Variants in ITGA8 observed in about 807,000 individuals in gnomAD.
The protein encoded by ITGA8 is integrin alpha-8.
A neutral mutation model predicts 142.3 loss-of-function variants in ITGA8; 91 were observed. That is an observed-to-expected ratio of 0.64 (90% confidence interval 0.54 to 0.76). ITGA8 has a LOEUF of 0.76. ITGA8 is among the 30% of genes least tolerant of loss of function. The pLI is 0.00. For synonymous variants in ITGA8, 505 were observed against 485.2 expected, an observed-to-expected ratio of 1.04 and a Z score of -0.54; for missense variants, 1,406 against 1,327.7, an observed-to-expected ratio of 1.06 and a Z score of -0.92.
At chr10:15,572,478 G>A in intron 24 of ITGA8, 109 bp from the exon 25 acceptor site, 1 of 1,019,618 alleles carries the variant, frequency 9.8e-7, no homozygotes, top group Non-Finnish European at 1.4e-6. Flanking sequence ...TTGGTTTTAA[G>A]TCATCTGGAC....
chr10:15,575,198 G>A (rs1342556512), intron 24 of ITGA8, among the ~76,000 whole-genome samples: 1 of 152,018 alleles, frequency 6.6e-6, no homozygotes, highest in Admixed American at 6.6e-5. Flanking sequence ...AGACTAGCCT[G>A]GGCAACATGG....
chr10:15,698,005 A>G (rs1336847557), intron 2 of ITGA8, among the ~76,000 whole-genome samples: 2 of 152,214 alleles, frequency 1.3e-5, no homozygotes, highest in African/African-American at 2.4e-5. Context: ...TGGTGCACCC[A>G]TCACCCAAGC....
rs1015788447 is a variant in ITGA8 at position 15,516,576 on chromosome 10, C to T, written c.*582G>A. ...GAGACATGGAAAATAAATAAATAAA[C>T]TCTCACCCTCACTCACAAGATTATT... is the stretch of plus-strand genomic sequence containing the variant. On this transcript the variant is annotated 3_prime_UTR_variant, in exon 30 of 30. Coordinates refer to ENST00000378076, the MANE Select transcript of ITGA8 (RefSeq NM_003638.3). The T allele has an allele frequency of 5.3e-5, 8 of 152,220 alleles. No homozygotes were observed. The highest frequency in any genetic ancestry group is 1.7e-4 in the African/African-American group (7 of 41,464). 9.4% of individuals were successfully genotyped at this position (152,220 alleles called of 1,614,324 possible).
At chr10:15,613,250 C>A (rs1833332967) in intron 15 of ITGA8, among the ~76,000 whole-genome samples, 3 of 151,866 alleles carry the variant, frequency 2.0e-5, no homozygotes, top group Admixed American at 2.0e-4. Context: ...TAAGCATATG[C>A]CAAAATGTAA....
chr10:15,597,198 C>G lies in ITGA8; in HGVS notation c.2211+9G>C. On this transcript the variant is annotated intron_variant, in intron 21 of 29. Transcript: ENST00000378076. ...AGGAAATCAGTCAGTATTTCTGGTT[C>G]TCTCTTACATTTGTTCCAGACACCA... is the stretch of plus-strand genomic sequence containing the variant. 6.2e-7 allele frequency: 1 copy of G among 1,603,186 alleles called. No individual in the cohort carries two copies. The highest frequency in any genetic ancestry group is 8.5e-7 in the Non-Finnish European group (1 of 1,169,984).
Position 15,684,982 on chromosome 10 carries a change from G to T in ITGA8, c.445-855C>A, listed in dbSNP as rs143082744. On this transcript the variant is annotated intron_variant, in intron 3 of 29. Coordinates refer to ENST00000378076, the MANE Select transcript of ITGA8 (RefSeq NM_003638.3). ...TTTAAACAATGACTTTCATCTGGAC[G>T]CACTTCTCCATTTTCACAGTGTTTT... Among the ~76,000 whole-genome samples the T allele has an allele frequency of 2.2e-3, 335 of 152,230 alleles. 1 individual carries two copies. Among genetic ancestry groups the T allele is most frequent in the Admixed American group, 9.0e-3 (138 of 15,282 alleles).
chr10:15,692,204 A>T (rs1834948434), intron 2 of ITGA8, among the ~76,000 whole-genome samples: 1 of 152,032 alleles, frequency 6.6e-6, no homozygotes, highest in Non-Finnish European at 1.5e-5. Context: ...AAGTGCTGGG[A>T]TTACAGGTAT....
chr10:15,607,304 C>T (rs572627948), intron 17 of ITGA8, among the ~76,000 whole-genome samples: 1 of 152,240 alleles, frequency 6.6e-6, no homozygotes, highest in South Asian at 2.1e-4. Context: ...CCTGAATTGG[C>T]TCTGAAACAT....
At chr10:15,517,739 C>A (rs1832989831) in intron 29 of ITGA8, among the ~76,000 whole-genome samples, 2 of 152,234 alleles carry the variant, frequency 1.3e-5, no homozygotes, top group Non-Finnish European at 2.9e-5. Flanking sequence ...ATTGCATAGG[C>A]AAGGTGAGCA....
chr10:15,521,291 T>C (rs1833064542), intron 28 of ITGA8, among the ~76,000 whole-genome samples: 1 of 152,180 alleles, frequency 6.6e-6, no homozygotes, highest in Non-Finnish European at 1.5e-5. Context: ...CCCAAAATGC[T>C]GGGATTACAG....
rs376955567 is a variant in ITGA8, at chr10:15,620,732, CTT to C, written c.1400-4175_1400-4174del. Among the ~76,000 whole-genome samples the C allele has an allele frequency of 3.7e-4, 56 of 152,292 alleles. No individual in the cohort carries two copies. In the South Asian group the frequency reaches 0.011, roughly 31 times the overall value. On this transcript the variant is annotated intron_variant, in intron 13 of 29. Transcript: ENST00000378076. ...TGGTTTGTGTTTTGAATGAATTTCT[CTT>C]TTCAAAATATGTGGTTGGCTTTGGA... is the stretch of plus-strand genomic sequence containing the variant.
intron 23 of ITGA8, among the ~76,000 whole-genome samples, chr10:15,578,428 T>C (rs917072492): frequency 2.0e-5 from 3 of 152,124 alleles, no homozygotes; most frequent in Admixed American, 2.0e-4. Context: ...GACATTTGGG[T>C]TGTTTGCAAT....
rs538991673 is a variant in ITGA8, at chr10:15,606,376, A to G, written c.1811T>C (p.Leu604Ser). Reference protein sequence around the residue: ...RDKLSPINISLNYSLDESTFK... With the variant: ...RDKLSPINISSNYSLDESTFK... ...GGTGGATTCGTCCAAACTGTAATTC[A>G]AACTAATGTTGATTGGAGATAATTT... Residue 604 changes from leucine to serine, a missense_variant, in exon 18 of 30, where the codon TTG becomes TCG. Transcript: ENST00000378076. The G allele has an allele frequency of 2.5e-6, 4 of 1,609,446 alleles. No individual in the cohort carries two copies. Among genetic ancestry groups the G allele is most frequent in the Middle Eastern group, 1.7e-4 (1 of 6,044 alleles).
intron 28 of ITGA8, among the ~76,000 whole-genome samples, chr10:15,529,425 C>A (rs748478072): frequency 8.5e-5 from 13 of 152,120 alleles, no homozygotes; most frequent in Non-Finnish European, 1.6e-4. Context: ...CAAAGGTTTC[C>A]TAATTAGAGC....
At chr10:15,601,517 G>A (rs4748182) in intron 20 of ITGA8, among the ~76,000 whole-genome samples, 3,355 of 152,176 alleles carry the variant, frequency 0.022, 101 homozygotes, top group East Asian at 0.083. Context: ...GCACTACCAC[G>A]TAAATATAAT....
chr10:15,635,139 T>A (rs1833751742), intron 13 of ITGA8, among the ~76,000 whole-genome samples: 1 of 151,644 alleles, frequency 6.6e-6, no homozygotes, highest in Non-Finnish European at 1.5e-5. Flanking sequence ...CCTGAGTAGC[T>A]GGGACTACAG....
intron 2 of ITGA8, among the ~76,000 whole-genome samples, chr10:15,717,556 T>C (rs1835476362): frequency 6.6e-6 from 1 of 152,142 alleles, no homozygotes; most frequent in Non-Finnish European, 1.5e-5. Flanking sequence ...AATTTAAAAG[T>C]AAAAGCTTAT....
Position 15,572,346 on chromosome 10 carries a change from G to A in ITGA8, c.2502C>T (p.Thr834=), listed in dbSNP as rs1325824395. Reference sequence around the variant, plus strand: ...CCACCTCCAGGATGGTGTCACTGATGGTACTTGGTCCAATATTGTGCAGCT... The same window carrying A: ...CCACCTCCAGGATGGTGTCACTGATAGTACTTGGTCCAATATTGTGCAGCT... The part of the protein sequence containing the change: ...IYELHNIGPS[T]ISDTILEVGW... Residue 834 remains threonine (T), a synonymous_variant, in exon 25 of 30, where the codon ACC becomes ACT. Transcript: ENST00000378076. 6 of 1,613,944 alleles carry A rather than the reference G, an allele frequency of 3.7e-6. No homozygotes were observed. Among genetic ancestry groups the A allele is most frequent in the Non-Finnish European group, 5.1e-6 (6 of 1,179,944 alleles).
intron 25 of ITGA8, among the ~76,000 whole-genome samples, chr10:15,569,128 G>A (rs368281800): frequency 9.2e-5 from 14 of 152,308 alleles, no homozygotes; most frequent in African/African-American, 1.4e-4. Flanking sequence ...GAAAGGGGAC[G>A]TTGACTACAA....
Sources: gnomAD v4.1 joint callset for allele counts (sites outside exome capture counted in the v4.1 genomes callset) on GRCh38, gnomAD v4.1.1 for gene constraint, MANE v1.5 for transcripts, NCBI Gene and HGNC (gene_info 2026-07-23, HGNC 2026-07-21) for gene names.